Variants in ASF1B observed in about 807,000 individuals in gnomAD.
The protein encoded by ASF1B is anti-silencing function 1B histone chaperone, also known as histone chaperone ASF1B.
A neutral mutation model predicts 16.6 loss-of-function variants in ASF1B; 10 were observed. The ratio of observed to expected loss-of-function variants is 0.60; its 90% confidence interval spans 0.37 to 1.02. The LOEUF (loss-of-function observed/expected upper bound fraction) is 1.02. ASF1B is among the 50% of genes least tolerant of loss of function. The pLI is 0.01. For synonymous variants in ASF1B, 101 were observed against 106.2 expected, an observed-to-expected ratio of 0.95 and a Z score of 0.30; for missense variants, 240 against 266.0, an observed-to-expected ratio of 0.90 and a Z score of 0.68.
chr19:14,132,600 A>T (rs536898782), intron 1 of ASF1B, among the ~76,000 whole-genome samples: 131 of 152,278 alleles, frequency 8.6e-4, no homozygotes, highest in Middle Eastern at 3.4e-3. Context: ...TGGGCATATC[A>T]CTTGCGATCA....
In ASF1B at chr19:14,136,535, T is replaced by G; in HGVS notation, c.-79A>C. The G allele has an allele frequency of 7.8e-7, 1 of 1,282,792 alleles. No individual in the cohort carries two copies. Among genetic ancestry groups the G allele is most frequent in the Non-Finnish European group, 1.1e-6 (1 of 907,966 alleles). The allele number at this position is 1,282,792 out of a possible 1,614,324, so 79.5% of individuals were successfully genotyped here. ...CCGCGCCTGGGTCCGGTGGGGTCAG[T>G]GGGGTAGGGCTGACCAGGTCCACTC... On this transcript the variant is annotated 5_prime_UTR_variant, in exon 1 of 4. Transcript: ENST00000263382.
Position 14,124,591 on chromosome 19 carries a change from TCA to T in ASF1B, c.225+1529_225+1530del, listed in dbSNP as rs1967290317. On this transcript the variant is annotated intron_variant, in intron 2 of 3. Transcript: ENST00000263382. The stretch of plus-strand genomic sequence containing the variant: ...CCCCAAGATGAACACCTGCTTGCTT[TCA>T]CAGTCACTTGCAGACATGCACAGAG... Among the ~76,000 whole-genome samples, 3 of 152,196 alleles carry T rather than the reference TCA, an allele frequency of 2.0e-5. No homozygotes were observed. The South Asian group carries it at 6.2e-4, about 31-fold the overall frequency.
At chr19:14,124,431 C>T (rs555886867) in intron 2 of ASF1B, among the ~76,000 whole-genome samples, 1 of 152,258 alleles carries the variant, frequency 6.6e-6, no homozygotes, top group South Asian at 2.1e-4. Flanking sequence ...CTGGAAGCCA[C>T]CACACCCGGC....
rs59820224 is a variant in ASF1B at position 14,130,781 on chromosome 19, T to TTG, written c.110-4546_110-4545dup. On this transcript the variant is annotated intron_variant, in intron 1 of 3. Coordinates refer to ENST00000263382, the MANE Select transcript of ASF1B (RefSeq NM_018154.3). ...TGCAAGACATACCTCCACTGTGTGT[T>TTG]TGTGTGTATATATATATATATATAT... 1.3e-3 allele frequency among the ~76,000 whole-genome samples: 166 copies of TTG among 132,426 alleles called. 1 individual carries two copies. The highest frequency in any genetic ancestry group is 0.011 in the East Asian group (50 of 4,584). 86.9% of individuals were successfully genotyped at this position (132,426 alleles called of 152,430 possible).
intron 2 of ASF1B, among the ~76,000 whole-genome samples, chr19:14,125,746 TC>T (rs1301668910): frequency 1.3e-5 from 2 of 152,110 alleles, no homozygotes; most frequent in African/African-American, 4.8e-5. Context: ...AGAGATGCGG[TC>T]TCACTATATT....
At chr19:14,131,552 G>C (rs1237523809) in intron 1 of ASF1B, among the ~76,000 whole-genome samples, 3 of 145,224 alleles carry the variant, frequency 2.1e-5, no homozygotes, top group African/African-American at 5.1e-5. Flanking sequence ...GTGCAATCTC[G>C]GCTCGCTGCA....
intron 1 of ASF1B, among the ~76,000 whole-genome samples, chr19:14,132,330 G>A (rs921931275): frequency 3.3e-5 from 5 of 152,120 alleles, no homozygotes; most frequent in Non-Finnish European, 7.3e-5. Flanking sequence ...ACACAGCTGG[G>A]TTGGGGGTTT....
intron 1 of ASF1B, among the ~76,000 whole-genome samples, chr19:14,132,883 G>T (rs1353062944): frequency 6.6e-6 from 1 of 151,770 alleles, no homozygotes; most frequent in East Asian, 1.9e-4. Flanking sequence ...TGTAATCCCA[G>T]GCCGAGGCGG....
At chr19:14,125,768 G>T (rs992968460) in intron 2 of ASF1B, among the ~76,000 whole-genome samples, 3 of 152,130 alleles carry the variant, frequency 2.0e-5, no homozygotes, top group Non-Finnish European at 2.9e-5. Flanking sequence ...GCCCCAGCTG[G>T]TCTCAAACTC....
At chr19:14,123,261 G>A (rs1468773058) in intron 2 of ASF1B, among the ~76,000 whole-genome samples, 3 of 152,082 alleles carry the variant, frequency 2.0e-5, no homozygotes, top group Non-Finnish European at 4.4e-5. Context: ...TAGATAGGAT[G>A]TGGTAGCTTG....
At chr19:14,134,446 A>G (rs1967455249) in intron 1 of ASF1B, among the ~76,000 whole-genome samples, 1 of 151,940 alleles carries the variant, frequency 6.6e-6, no homozygotes, top group Admixed American at 6.6e-5. Flanking sequence ...ACCAGCTTTG[A>G]GGGCAAAACA....
chr19:14,131,840 A>G lies in ASF1B; in HGVS notation c.109+4508T>C, dbSNP rs996122686. On this transcript the variant is annotated intron_variant, in intron 1 of 3. Transcript: ENST00000263382. The stretch of plus-strand genomic sequence containing the variant: ...ATAATCAAAGATGAGCTCTGCTGCC[A>G]TAACAACTTCGTTATTTCTGGGTCA... 1.1e-4 allele frequency among the ~76,000 whole-genome samples: 16 copies of G among 152,288 alleles called. No homozygotes were observed. The East Asian group carries it at 1.7e-3, about 17-fold the overall frequency.
At chr19:14,131,215 C>T (rs373173160) in intron 1 of ASF1B, among the ~76,000 whole-genome samples, 3 of 144,082 alleles carry the variant, frequency 2.1e-5, no homozygotes, top group East Asian at 2.1e-4. Context: ...AACAGAGTCT[C>T]GCTCTGTCAC....
At chr19:14,129,469 G>C (rs1052580090) in intron 1 of ASF1B, among the ~76,000 whole-genome samples, 5 of 151,144 alleles carry the variant, frequency 3.3e-5, no homozygotes, top group African/African-American at 1.2e-4. Context: ...CTGAGCTCAC[G>C]AGTTCGAGAC....
intron 2 of ASF1B, among the ~76,000 whole-genome samples, chr19:14,123,583 T>C (rs1967273934): frequency 6.6e-6 from 1 of 151,896 alleles, no homozygotes; most frequent in Admixed American, 6.6e-5. Context: ...GGCTTCACCA[T>C]GTTAGCCAAG....
rs1043723073 is a variant in ASF1B, at chr19:14,136,538, G to C, written c.-82C>G. The C allele has an allele frequency of 2.5e-6, 3 of 1,217,360 alleles. No individual in the cohort carries two copies. Among genetic ancestry groups the C allele is most frequent in the East Asian group, 2.5e-5 (1 of 40,464 alleles). The allele number at this position is 1,217,360 out of a possible 1,614,324, so 75.4% of individuals were successfully genotyped here. A position where few individuals can be genotyped will look rare whatever the true frequency, so the allele number is the denominator to read the frequency against. On this transcript the variant is annotated 5_prime_UTR_variant, in exon 1 of 4. Coordinates refer to ENST00000263382, the MANE Select transcript of ASF1B (RefSeq NM_018154.3). ...CGCCTGGGTCCGGTGGGGTCAGTGG[G>C]GTAGGGCTGACCAGGTCCACTCCCG...
intron 1 of ASF1B, among the ~76,000 whole-genome samples, chr19:14,133,744 C>T (rs1005702017): frequency 6.6e-6 from 1 of 151,446 alleles, no homozygotes; most frequent in African/African-American, 2.4e-5. Context: ...TTAGTAAAGT[C>T]ACAGGGCAGG....
rs142438175 is a variant in ASF1B, at chr19:14,120,551, C to T, written c.517G>A (p.Gly173Ser). 76 of 1,613,438 alleles carry T rather than the reference C, an allele frequency of 4.7e-5. No homozygotes were observed. The East Asian group carries it at 6.0e-4, about 13-fold the overall frequency. Residue 173 changes from glycine to serine, a missense_variant, in exon 4 of 4, where the codon GGC becomes AGC. Coordinates refer to ENST00000263382, the MANE Select transcript of ASF1B (RefSeq NM_018154.3). The part of the protein sequence containing the change: ...IETQDPSLGC[G>S]LPLNCTPIKG... Reference sequence around the variant, plus strand: ...ATAGGAGTGCAGTTGAGTGGGAGGCCGCAGCCCAGGGAGGGGTCCTGGGTC... The same window carrying T: ...ATAGGAGTGCAGTTGAGTGGGAGGCTGCAGCCCAGGGAGGGGTCCTGGGTC...
chr19:14,129,943 T>C (rs1208881566), intron 1 of ASF1B, among the ~76,000 whole-genome samples: 1 of 151,274 alleles, frequency 6.6e-6, no homozygotes, highest in Non-Finnish European at 1.5e-5. Context: ...AGGCTGAGGT[T>C]GCAGTGAACT....
Sources: gnomAD v4.1 joint callset for allele counts (sites outside exome capture counted in the v4.1 genomes callset) on GRCh38, gnomAD v4.1.1 for gene constraint, MANE v1.5 for transcripts, NCBI Gene and HGNC (gene_info 2026-07-23, HGNC 2026-07-21) for gene names.